KATNAL1: variants seen among roughly 807,000 people sequenced by gnomAD.
KATNAL1 encodes katanin catalytic subunit A1 like 1.
A neutral mutation model predicts 55.2 loss-of-function variants in KATNAL1; 32 were observed. That is an observed-to-expected ratio of 0.58 (90% confidence interval 0.44 to 0.78). The LOEUF is 0.78. KATNAL1 is among the 30% of genes least tolerant of loss of function. KATNAL1 has a pLI of 0.00. For missense variants in KATNAL1, 466 were observed against 600.9 expected (o/e 0.78, Z 2.35); for synonymous variants, 193 against 193.6 (o/e 1.00, Z 0.02).
intron 3 of KATNAL1, among the ~76,000 whole-genome samples, chr13:30,262,504 C>T (rs1170847462): frequency 2.6e-5 from 4 of 152,052 alleles, no homozygotes; most frequent in African/African-American, 7.3e-5. Context: ...AGAGAAGAAT[C>T]AAATAGATGC....
chr13:30,218,173 G>C (rs2137360795), intron 9 of KATNAL1, among the ~76,000 whole-genome samples: 1 of 146,328 alleles, frequency 6.8e-6, no homozygotes, highest in East Asian at 2.0e-4. Flanking sequence ...GACACAGATA[G>C]GATACATAAG....
chr13:30,213,955 A>G (rs1873949346), intron 9 of KATNAL1, among the ~76,000 whole-genome samples: 1 of 152,162 alleles, frequency 6.6e-6, no homozygotes, highest in Admixed American at 6.5e-5. Flanking sequence ...AATAAAGGGT[A>G]TTCAATTAGG....
Position 30,239,685 on chromosome 13 carries a change from ATT to A in KATNAL1, c.726+773_726+774del, listed in dbSNP as rs35752433. 6.5e-3 allele frequency among the ~76,000 whole-genome samples: 644 copies of A among 99,024 alleles called. 2 individuals are homozygous for A. The highest frequency in any genetic ancestry group is 0.02 in the African/African-American group (546 of 27,206). 65.0% of individuals were successfully genotyped at this position (99,024 alleles called of 152,430 possible). On this transcript the variant is annotated intron_variant, in intron 6 of 10. Transcript: ENST00000380615. ...GATATTTTGTAATGATACAGAAGTG[ATT>A]TTTTTTTTTTTTTTTTTGAGATGGA...
At chr13:30,281,276 A>T (rs1881294063) in intron 2 of KATNAL1, among the ~76,000 whole-genome samples, 1 of 152,106 alleles carries the variant, frequency 6.6e-6, no homozygotes, top group South Asian at 2.1e-4. Context: ...AAAGGAACAT[A>T]TGAAGGAGTT....
chr13:30,260,765 G>A (rs1354209539), intron 3 of KATNAL1, among the ~76,000 whole-genome samples: 2 of 133,968 alleles, frequency 1.5e-5, no homozygotes, highest in Admixed American at 7.2e-5. Flanking sequence ...GAAAGTGACG[G>A]GAGAATGGAA....
At chr13:30,241,669 C>A (rs1356608942) in intron 4 of KATNAL1, among the ~76,000 whole-genome samples, 1 of 152,142 alleles carries the variant, frequency 6.6e-6, no homozygotes, top group Non-Finnish European at 1.5e-5. Context: ...AGAGCTTTAG[C>A]CCCAGTTACT....
intron 3 of KATNAL1, among the ~76,000 whole-genome samples, chr13:30,259,709 C>T (rs1225978177): frequency 6.6e-6 from 1 of 152,222 alleles, no homozygotes; most frequent in African/African-American, 2.4e-5. Flanking sequence ...CCGCACCTGG[C>T]TCGGAGGGTC....
chr13:30,295,865 C>G (rs780053763), intron 1 of KATNAL1, among the ~76,000 whole-genome samples: 17 of 152,076 alleles, frequency 1.1e-4, no homozygotes, highest in Admixed American at 2.0e-4. Context: ...AAATTTTTCA[C>G]AAAAGGAAGA....
chr13:30,271,878 GAAAAAAA>G (rs71299873), intron 3 of KATNAL1, among the ~76,000 whole-genome samples: 9 of 76,792 alleles, frequency 1.2e-4, no homozygotes, highest in South Asian at 1.2e-3. Flanking sequence ...AAGAAAAGAG[GAAAAAAA>G]AAAAAAAAAA....
chr13:30,244,125 C>A (rs1011047741), intron 4 of KATNAL1, among the ~76,000 whole-genome samples: 1 of 151,842 alleles, frequency 6.6e-6, no homozygotes, highest in African/African-American at 2.4e-5. Context: ...GTTCCCCTCC[C>A]TGTATCCATG....
At chr13:30,267,124 T>A (rs774214441) in intron 3 of KATNAL1, among the ~76,000 whole-genome samples, 3 of 152,230 alleles carry the variant, frequency 2.0e-5, no homozygotes, top group Non-Finnish European at 4.4e-5. Context: ...ACTGCCTGTA[T>A]CTTGCTTTTC....
chr13:30,268,652 T>C (rs1465542280), intron 3 of KATNAL1, among the ~76,000 whole-genome samples: 1 of 152,154 alleles, frequency 6.6e-6, no homozygotes, highest in Non-Finnish European at 1.5e-5. Context: ...TATACTAAAA[T>C]ATCATGTAAG....
intron 3 of KATNAL1, among the ~76,000 whole-genome samples, chr13:30,260,591 G>A (rs1879196341): frequency 6.6e-6 from 1 of 152,150 alleles, no homozygotes; most frequent in African/African-American, 2.4e-5. Context: ...CTCAGGAGCC[G>A]ATGAGATCAA....
chr13:30,255,133 T>C (rs565779994), intron 4 of KATNAL1, among the ~76,000 whole-genome samples: 134 of 152,324 alleles, frequency 8.8e-4, no homozygotes, highest in African/African-American at 3.1e-3. Context: ...TTTCATTTAT[T>C]GCTCATTTCT....
chr13:30,302,731 G>GT (rs1216183903), intron 1 of KATNAL1, among the ~76,000 whole-genome samples: 53 of 152,190 alleles, frequency 3.5e-4, no homozygotes, highest in African/African-American at 1.2e-3. Context: ...ACCAAAACTA[G>GT]TTTGAGCACT....
At chr13:30,232,643 CCATTAA>C (rs1876221430) in intron 6 of KATNAL1, among the ~76,000 whole-genome samples, 1 of 152,132 alleles carries the variant, frequency 6.6e-6, no homozygotes, top group Non-Finnish European at 1.5e-5. Flanking sequence ...TCCTGTAATG[CCATTAA>C]TGTGGCCACC....
intron 3 of KATNAL1, among the ~76,000 whole-genome samples, chr13:30,263,001 C>CA (rs1180007269): frequency 3.9e-5 from 6 of 152,190 alleles, no homozygotes; most frequent in African/African-American, 1.4e-4. Flanking sequence ...TCCAGCAGTA[C>CA]ATCTAAAAGC....
intron 1 of KATNAL1, among the ~76,000 whole-genome samples, chr13:30,304,725 C>A (rs1452635341): frequency 6.6e-6 from 1 of 152,188 alleles, no homozygotes; most frequent in Non-Finnish European, 1.5e-5. Context: ...GAACTCCAGA[C>A]TAAAATGCAC....
intron 1 of KATNAL1, among the ~76,000 whole-genome samples, chr13:30,289,648 T>A (rs1882008879): frequency 1.3e-5 from 2 of 152,230 alleles, no homozygotes; most frequent in Admixed American, 6.5e-5. Flanking sequence ...CAATGCCTTG[T>A]CATAACTCAA....
Sources: gnomAD v4.1 joint callset for allele counts (sites outside exome capture counted in the v4.1 genomes callset) on GRCh38, gnomAD v4.1.1 for gene constraint, MANE v1.5 for transcripts, NCBI Gene and HGNC (gene_info 2026-07-23, HGNC 2026-07-21) for gene names.